The following DPT variants were observed in gnomAD, a reference collection of about 807,000 sequenced individuals.
DPT encodes dermatopontin.
Under a neutral mutation model 31.2 loss-of-function variants are expected in DPT, and 21 were observed. The observed-to-expected ratio is 0.67, with a 90% CI of 0.48 to 0.97. The LOEUF is 0.97. DPT is among the 50% of genes least tolerant of loss of function. DPT has a pLI of 0.00. For missense variants in DPT, 262 were observed against 258.8 expected, an observed-to-expected ratio of 1.01 and a Z score of -0.08; for synonymous variants, 91 against 86.9, an observed-to-expected ratio of 1.05 and a Z score of -0.26.
At chr1:168,709,122 T>C (rs932084567) in intron 2 of DPT, among the ~76,000 whole-genome samples, 6 of 152,176 alleles carry the variant, frequency 3.9e-5, no homozygotes, top group Admixed American at 6.5e-5. Flanking sequence ...CAAAAGATAT[T>C]ATCCAATGAA....
At chr1:168,728,047 A>C (rs551300039) in intron 1 of DPT, among the ~76,000 whole-genome samples, 1 of 152,174 alleles carries the variant, frequency 6.6e-6, no homozygotes, top group East Asian at 1.9e-4. Context: ...AGTGCCTACT[A>C]GGATGAGCTC....
chr1:168,726,701 C>T (rs1013186965), intron 1 of DPT, among the ~76,000 whole-genome samples: 26 of 152,200 alleles, frequency 1.7e-4, no homozygotes, highest in East Asian at 1.9e-4. Flanking sequence ...CGCACCCATG[C>T]GATAGTGCTC....
intron 2 of DPT, among the ~76,000 whole-genome samples, chr1:168,713,842 A>G (rs1649918788): frequency 6.6e-6 from 1 of 152,152 alleles, no homozygotes; most frequent in African/African-American, 2.4e-5. Flanking sequence ...TAGGTTCCCA[A>G]ATAGGCCCTG....
intron 2 of DPT, among the ~76,000 whole-genome samples, chr1:168,710,498 G>A (rs574100004): frequency 6.6e-6 from 1 of 152,300 alleles, no homozygotes; most frequent in South Asian, 2.1e-4. Flanking sequence ...CAAAGTCATT[G>A]CAGATCAAGG....
chr1:168,720,340 G>C (rs1231538600), intron 1 of DPT, among the ~76,000 whole-genome samples: 2 of 152,188 alleles, frequency 1.3e-5, no homozygotes, highest in South Asian at 2.1e-4. Flanking sequence ...ACTTCTTCTT[G>C]TTGTCTGCAT....
chr1:168,700,170 G>T (rs1211084548), intron 3 of DPT, among the ~76,000 whole-genome samples: 1 of 152,124 alleles, frequency 6.6e-6, no homozygotes, highest in Non-Finnish European at 1.5e-5. Context: ...CTTTAGGGGG[G>T]TGATTAAGCC....
intron 1 of DPT, among the ~76,000 whole-genome samples, chr1:168,727,388 T>C (rs959972501): frequency 6.6e-6 from 1 of 152,274 alleles, no homozygotes; most frequent in East Asian, 1.9e-4. Context: ...GGGTAAGCAC[T>C]CAATAAATGG....
chr1:168,695,740 T>G lies in DPT; in HGVS notation c.*809A>C, dbSNP rs890537969. 6.5e-6 allele frequency: 1 copy of G among 153,210 alleles called. No homozygotes were observed. The highest frequency in any genetic ancestry group is 1.5e-5 in the Non-Finnish European group (1 of 68,726). The allele number at this position is 153,210 out of a possible 1,614,324, so 9.5% of individuals were successfully genotyped here. A position where few individuals can be genotyped will look rare whatever the true frequency, so the allele number is the denominator to read the frequency against. On this transcript the variant is annotated 3_prime_UTR_variant, in exon 4 of 4. Coordinates refer to ENST00000367817, the MANE Select transcript of DPT (RefSeq NM_001937.5). ...TCTAGGTGCCAGTGACTCAAACTCC[T>G]TTTTCCACTTCCCAGTTCAACCTGG... is the stretch of plus-strand genomic sequence containing the variant.
At chr1:168,714,497 T>G in intron 1 of DPT, 151 bp from the exon 2 acceptor site, 1 of 1,085,896 alleles carries the variant, frequency 9.2e-7, no homozygotes, top group Non-Finnish European at 1.3e-6. Flanking sequence ...TTTATTATAT[T>G]TGTAGAAATA....
At chr1:168,703,062 G>A (rs1040953259) in intron 2 of DPT, among the ~76,000 whole-genome samples, 5 of 152,124 alleles carry the variant, frequency 3.3e-5, no homozygotes, top group Non-Finnish European at 7.3e-5. Context: ...AGAATAAGAG[G>A]TTGCATGGGG....
Position 168,728,105 on chromosome 1 carries a change from CA to C in DPT, c.305+764del, listed in dbSNP as rs1236926941. ...ACCCAGCTGAGACAATCACACCCCACAAAAAAGTACAAGCTCGAAAAAATTC... is the reference window on the plus strand; with the variant it reads ...ACCCAGCTGAGACAATCACACCCCACAAAAAGTACAAGCTCGAAAAAATTC... On this transcript the variant is annotated intron_variant, in intron 1 of 3. Coordinates refer to ENST00000367817, the MANE Select transcript of DPT (RefSeq NM_001937.5). 4.6e-5 allele frequency among the ~76,000 whole-genome samples: 7 copies of C among 152,280 alleles called. 1 individual carries two copies. The highest frequency in any genetic ancestry group is 4.6e-4 in the Admixed American group (7 of 15,298).
intron 1 of DPT, among the ~76,000 whole-genome samples, chr1:168,728,361 A>G (rs1259071945): frequency 6.6e-6 from 1 of 152,140 alleles, no homozygotes; most frequent in Non-Finnish European, 1.5e-5. Context: ...ACTTGCTCTA[A>G]ATCAATAGTT....
intron 2 of DPT, among the ~76,000 whole-genome samples, chr1:168,705,158 C>CATA (rs1649690933): frequency 6.6e-6 from 1 of 152,190 alleles, no homozygotes; most frequent in African/African-American, 2.4e-5. Flanking sequence ...TATTCCTTGA[C>CATA]ATAAAGTGAC....
intron 1 of DPT, among the ~76,000 whole-genome samples, chr1:168,716,055 A>C (rs1417722867): frequency 6.6e-6 from 1 of 152,244 alleles, no homozygotes; most frequent in Non-Finnish European, 1.5e-5. Flanking sequence ...ATTATCAACA[A>C]GTGGATTTCA....
At chr1:168,714,944 G>A (rs1188225220) in intron 1 of DPT, among the ~76,000 whole-genome samples, 1 of 152,118 alleles carries the variant, frequency 6.6e-6, no homozygotes. Flanking sequence ...TACTTATCCA[G>A]GAATCTTTCT....
chr1:168,719,261 A>AG (rs541468969), intron 1 of DPT, among the ~76,000 whole-genome samples: 3 of 152,034 alleles, frequency 2.0e-5, no homozygotes, highest in African/African-American at 7.3e-5. Context: ...CTCCATGATG[A>AG]GGGGGCAAAA....
At chr1:168,704,562 C>A (rs757679174) in intron 2 of DPT, among the ~76,000 whole-genome samples, 14 of 151,868 alleles carry the variant, frequency 9.2e-5, no homozygotes, top group East Asian at 1.9e-4. Flanking sequence ...ACAACAACAA[C>A]AAAAAAAGCA....
intron 1 of DPT, among the ~76,000 whole-genome samples, chr1:168,717,451 G>C (rs1354755158): frequency 1.3e-5 from 2 of 152,068 alleles, no homozygotes. Flanking sequence ...GATTCTGGAT[G>C]TTAGACCTTT....
chr1:168,717,900 G>A (rs1243092130), intron 1 of DPT, among the ~76,000 whole-genome samples: 1 of 152,180 alleles, frequency 6.6e-6, no homozygotes, highest in Non-Finnish European at 1.5e-5. Flanking sequence ...TCATGATATG[G>A]TGGAAAGGTA....
Sources: allele counts gnomAD v4.1 joint callset (sites outside exome capture counted in the v4.1 genomes callset), GRCh38; gene constraint gnomAD v4.1.1; transcripts MANE v1.5; gene names NCBI Gene and HGNC (gene_info 2026-07-23, HGNC 2026-07-21).